HAT1: variants seen among roughly 807,000 people sequenced by gnomAD.
The protein encoded by HAT1 is histone acetyltransferase type B catalytic subunit.
Under a neutral mutation model 56.6 loss-of-function variants are expected in HAT1, and 20 were observed. The ratio of observed to expected loss-of-function variants is 0.35; its 90% confidence interval spans 0.25 to 0.51. The LOEUF (loss-of-function observed/expected upper bound fraction) is 0.51. Among genes scored for constraint, HAT1 ranks in the 20% least tolerant of loss-of-function variants. HAT1 has a pLI of 0.95. For missense variants in HAT1, 408 were observed against 504.3 expected, an observed-to-expected ratio of 0.81 and a Z score of 1.83; for synonymous variants, 146 against 165.5, an observed-to-expected ratio of 0.88 and a Z score of 0.91.
chr2:171,974,188 A>AAG (rs1687895726), intron 8 of HAT1, among the ~76,000 whole-genome samples: 3 of 106,112 alleles, frequency 2.8e-5, no homozygotes, highest in Non-Finnish European at 5.7e-5. Flanking sequence ...AAAAAAAAAA[A>AAG]AAAAGAAAAA....
In HAT1 at chr2:171,963,605, T is replaced by A. The variant is rs192540120; in HGVS notation, c.310-1733T>A. Among the ~76,000 whole-genome samples, 370 of 152,366 alleles carry A rather than the reference T, an allele frequency of 2.4e-3. 3 individuals are homozygous for A. The highest frequency in any genetic ancestry group is 4.2e-3 in the Non-Finnish European group (288 of 68,026). ...TAAACTGATAGATTATAAATCCCTT[T>A]TTAAAAGTAGTTTTTCTTGGCTTTT... On this transcript the variant is annotated intron_variant, in intron 4 of 10. Coordinates refer to ENST00000264108, the MANE Select transcript of HAT1 (RefSeq NM_003642.4).
At chr2:171,938,076 T>TCTC (rs1574039412) in intron 2 of HAT1, among the ~76,000 whole-genome samples, 61 of 63,692 alleles carry the variant, frequency 9.6e-4, no homozygotes, top group Admixed American at 1.7e-3. Flanking sequence ...CTCTCTCTCT[T>TCTC]TAAATGAACT....
chr2:171,962,191 T>C (rs889935114), intron 4 of HAT1, among the ~76,000 whole-genome samples: 1 of 152,214 alleles, frequency 6.6e-6, no homozygotes, highest in African/African-American at 2.4e-5. Flanking sequence ...CATATGAACA[T>C]GTTCATGTGT....
At chr2:171,961,796 T>C (rs1336221911) in intron 4 of HAT1, among the ~76,000 whole-genome samples, 1 of 152,128 alleles carries the variant, frequency 6.6e-6, no homozygotes, top group African/African-American at 2.4e-5. Flanking sequence ...TTCACACTTT[T>C]AATTTCTCAA....
At chr2:171,945,146 CAGGTGTG>C (rs1258491859) in intron 2 of HAT1, among the ~76,000 whole-genome samples, 2 of 152,162 alleles carry the variant, frequency 1.3e-5, no homozygotes, top group African/African-American at 4.8e-5. Flanking sequence ...GCTGGGATTA[CAGGTGTG>C]AGCCACCGCG....
intron 4 of HAT1, among the ~76,000 whole-genome samples, chr2:171,959,461 A>G (rs752182785): frequency 1.3e-5 from 2 of 152,244 alleles, no homozygotes; most frequent in African/African-American, 4.8e-5. Context: ...TTGCATTGAC[A>G]TCTAATTGTT....
Position 171,983,622 on chromosome 2 carries a change from G to C in HAT1, c.*270G>C, listed in dbSNP as rs1688189199. On this transcript the variant is annotated 3_prime_UTR_variant, in exon 11 of 11. Transcript: ENST00000264108. ...AACAGTATAATAAATGCTTAGTTGTGATATGTTAATGTGTGATGATATGAT... is the reference window on the plus strand; with the variant it reads ...AACAGTATAATAAATGCTTAGTTGTCATATGTTAATGTGTGATGATATGAT... 1 of 256,850 alleles carries C rather than the reference G, an allele frequency of 3.9e-6. No individual in the cohort carries two copies. The highest frequency in any genetic ancestry group is 5.2e-5 in the Admixed American group (1 of 19,176). 15.9% of individuals were successfully genotyped at this position (256,850 alleles called of 1,614,324 possible).
At chr2:171,947,921 ACTG>A (rs142581694) in intron 3 of HAT1, among the ~76,000 whole-genome samples, 3,353 of 152,298 alleles carry the variant, frequency 0.022, 56 homozygotes, top group Middle Eastern at 0.037. Flanking sequence ...TATATTTAGC[ACTG>A]TTCTTTAATT....
intron 2 of HAT1, among the ~76,000 whole-genome samples, chr2:171,934,537 G>T (rs1230809631): frequency 6.6e-6 from 1 of 152,152 alleles, no homozygotes; most frequent in Non-Finnish European, 1.5e-5. Context: ...AAGGTCATCT[G>T]TGGAGAACGT....
chr2:171,973,870 C>T (rs1687881137), intron 8 of HAT1, among the ~76,000 whole-genome samples: 1 of 152,106 alleles, frequency 6.6e-6, no homozygotes, highest in Non-Finnish European at 1.5e-5. Context: ...GGGATCACTG[C>T]TCTAATCCAT....
At chr2:171,952,071 G>A (rs1480252273) in intron 3 of HAT1, among the ~76,000 whole-genome samples, 1 of 152,142 alleles carries the variant, frequency 6.6e-6, no homozygotes, top group Non-Finnish European at 1.5e-5. Context: ...GATATATACT[G>A]TGCAATTCAT....
At position 171,925,523 on chromosome 2, in the gene HAT1, A is replaced by G; in HGVS notation, c.8-14A>G. The G allele has an allele frequency of 1.7e-6, 2 of 1,201,738 alleles. No individual in the cohort carries two copies. Among genetic ancestry groups the G allele is most frequent in the Non-Finnish European group, 2.5e-6 (2 of 805,994 alleles). 74.4% of individuals were successfully genotyped at this position (1,201,738 alleles called of 1,614,324 possible). A position where few individuals can be genotyped will look rare whatever the true frequency, so the allele number is the denominator to read the frequency against. On this transcript the variant is annotated splice_polypyrimidine_tract_variant and intron_variant, in intron 1 of 10. Transcript: ENST00000264108. ...CACTTCCAAACTAAACCTTTTAAAA[A>G]CCTTTTCTCTTAGGATTTGGTGCTA... is the stretch of plus-strand genomic sequence containing the variant.
Position 171,925,570 on chromosome 2 carries a change from A to G in HAT1, c.41A>G (p.Tyr14Cys). ...FGAMEKFLVE[Y>C]KSAVEKKLAE... Reference sequence around the variant, plus strand: ...GCTATGGAGAAATTTTTGGTAGAATATAAGAGTGCAGTGGAGAAGAAACTG... The same window carrying G: ...GCTATGGAGAAATTTTTGGTAGAATGTAAGAGTGCAGTGGAGAAGAAACTG... Residue 14 changes from tyrosine (Y) to cysteine (C), a missense_variant, in exon 2 of 11, where the codon TAT becomes TGT. Physicochemically the swap from Tyr to Cys is radical, Grantham distance 194. Coordinates refer to ENST00000264108, the MANE Select transcript of HAT1 (RefSeq NM_003642.4). 1.3e-6 allele frequency: 2 copies of G among 1,574,882 alleles called. No individual in the cohort carries two copies. The highest frequency in any genetic ancestry group is 1.7e-6 in the Non-Finnish European group (2 of 1,144,310).
At position 171,930,835 on chromosome 2, in the gene HAT1, G is replaced by C. The variant is rs7599074; in HGVS notation, c.112+5194G>C. Among the ~76,000 whole-genome samples the C allele has an allele frequency of 4.9e-3, 746 of 151,340 alleles. 7 individuals are homozygous for C. The highest frequency in any genetic ancestry group is 0.017 in the African/African-American group (706 of 41,220). Reference sequence around the variant, plus strand: ...TCACTATATTGCCCATGCTGGTCTTGAACTCCTGGGCTCAAGCAATCCTCT... The same window carrying C: ...TCACTATATTGCCCATGCTGGTCTTCAACTCCTGGGCTCAAGCAATCCTCT... On this transcript the variant is annotated intron_variant, in intron 2 of 10. Transcript: ENST00000264108.
At chr2:171,970,450 C>T (rs1459822344) in intron 8 of HAT1, among the ~76,000 whole-genome samples, 2 of 148,288 alleles carry the variant, frequency 1.3e-5, no homozygotes, top group Non-Finnish European at 3.0e-5. Flanking sequence ...CAGCCATACA[C>T]ACATACACTA....
At chr2:171,975,444 C>T (rs1035411563) in intron 8 of HAT1, among the ~76,000 whole-genome samples, 3 of 151,976 alleles carry the variant, frequency 2.0e-5, no homozygotes, top group African/African-American at 7.2e-5. Flanking sequence ...GAAGGATCAT[C>T]GTTATGTCTT....
chr2:171,969,510 G>T (rs1417896723), intron 8 of HAT1, among the ~76,000 whole-genome samples: 1 of 152,112 alleles, frequency 6.6e-6, no homozygotes, highest in Non-Finnish European at 1.5e-5. Context: ...TATCATTGTA[G>T]ATTTAAATTC....
chr2:171,929,217 C>T (rs1376080596), intron 2 of HAT1, among the ~76,000 whole-genome samples: 3 of 152,082 alleles, frequency 2.0e-5, no homozygotes, highest in Non-Finnish European at 4.4e-5. Context: ...TCCCTCATAA[C>T]TAATGCTATT....
intron 2 of HAT1, among the ~76,000 whole-genome samples, chr2:171,929,489 AT>A (rs1477491607): frequency 7.9e-5 from 12 of 152,086 alleles, no homozygotes; most frequent in Admixed American, 3.9e-4. Context: ...CAGTTTATTA[AT>A]TTTAAAAATT....
Sources: allele counts gnomAD v4.1 joint callset (sites outside exome capture counted in the v4.1 genomes callset), GRCh38; gene constraint gnomAD v4.1.1; transcripts MANE v1.5; gene names NCBI Gene and HGNC (gene_info 2026-07-23, HGNC 2026-07-21).